The following KLF13 variants were observed in gnomAD, a reference collection of about 807,000 sequenced individuals.
KLF13 encodes Krueppel-like factor 13.
Under a neutral mutation model 16.7 loss-of-function variants are expected in KLF13, and 8 were observed. That is an observed-to-expected ratio of 0.48 (90% CI 0.28 to 0.87). KLF13 has a LOEUF of 0.87. Among genes scored for constraint, KLF13 ranks in the 40% least tolerant of loss-of-function variants. The pLI, the probability that KLF13 is intolerant of heterozygous loss-of-function variation, is 0.10. For missense variants in KLF13, 447 were observed against 452.2 expected, an observed-to-expected ratio of 0.99 and a Z score of 0.10; for synonymous variants, 245 against 208.4, an observed-to-expected ratio of 1.18 and a Z score of -1.51.
At chr15:31,431,371 A>C (rs908002768) in intron 1 of KLF13, among the ~76,000 whole-genome samples, 1 of 152,222 alleles carries the variant, frequency 6.6e-6, no homozygotes, top group Non-Finnish European at 1.5e-5. Context: ...AACAACAGAA[A>C]TGTCCACCAA....
At chr15:31,379,271 C>T (rs1184148294), downstream of KLF13, among the ~76,000 whole-genome samples, 8 of 152,176 alleles carry the variant, frequency 5.3e-5, no homozygotes, top group African/African-American at 1.9e-4. Flanking sequence ...CTTTTTGGTA[C>T]TGAGACGTTT....
At chr15:31,396,069 A>T (rs932837485) in intron 2 of KLF13, among the ~76,000 whole-genome samples, 1 of 151,894 alleles carries the variant, frequency 6.6e-6, no homozygotes, top group Non-Finnish European at 1.5e-5. Context: ...CTTGTTTCCC[A>T]TGCTGGAGTG....
chr15:31,385,564 A>G (rs1200760779), intron 1 of KLF13, among the ~76,000 whole-genome samples: 2 of 152,180 alleles, frequency 1.3e-5, no homozygotes, highest in Non-Finnish European at 2.9e-5. Context: ...CATTTTTACT[A>G]TTATTACATC....
intron 1 of KLF13, among the ~76,000 whole-genome samples, chr15:31,368,248 G>A (rs766695275): frequency 2.0e-5 from 3 of 152,170 alleles, no homozygotes; most frequent in East Asian, 3.9e-4. Context: ...AGGCCATAGC[G>A]TCACAACTCA....
chr15:31,411,266 T>C (rs1388935562), intron 1 of KLF13, among the ~76,000 whole-genome samples: 1 of 152,220 alleles, frequency 6.6e-6, no homozygotes, highest in African/African-American at 2.4e-5. Context: ...AAATCTTTTT[T>C]TTCTGTTTCA....
intron 1 of KLF13, among the ~76,000 whole-genome samples, chr15:31,350,662 G>C (rs893843222): frequency 5.9e-5 from 9 of 152,128 alleles, no homozygotes; most frequent in African/African-American, 2.2e-4. Context: ...CCCCTTTTTT[G>C]GTGAAGTCTG....
chr15:31,424,107 A>C (rs1369744908), intron 1 of KLF13, among the ~76,000 whole-genome samples: 1 of 152,200 alleles, frequency 6.6e-6, no homozygotes, highest in Non-Finnish European at 1.5e-5. Flanking sequence ...AAACTTTCCC[A>C]CCTAGAAAAG....
chr15:31,364,780 G>A (rs1018002319), intron 1 of KLF13, among the ~76,000 whole-genome samples: 1 of 152,236 alleles, frequency 6.6e-6, no homozygotes, highest in African/African-American at 2.4e-5. Context: ...CTCAGTGGGT[G>A]GGTAAGAGCT....
chr15:31,327,858 C>T (rs1305125379), intron 1 of KLF13, 69 bp downstream of exon 1: 64 of 1,258,742 alleles, frequency 5.1e-5, no homozygotes, highest in Non-Finnish European at 6.3e-5. Flanking sequence ...ACCACGCCCC[C>T]GGAGTCCCCG....
chr15:31,353,276 C>T (rs927434227), intron 1 of KLF13, among the ~76,000 whole-genome samples: 1 of 152,218 alleles, frequency 6.6e-6, no homozygotes, highest in Non-Finnish European at 1.5e-5. Context: ...TGCTGGGCCT[C>T]CCCTGGAGAG....
At chr15:31,402,665 G>A (rs2140993440) in intron 2 of KLF13, among the ~76,000 whole-genome samples, 1 of 152,310 alleles carries the variant, frequency 6.6e-6, no homozygotes, top group South Asian at 2.1e-4. Context: ...AGCAGCTGCT[G>A]CACAGAGCCC....
chr15:31,431,447 C>A (rs1280018056), intron 1 of KLF13, among the ~76,000 whole-genome samples: 1 of 152,102 alleles, frequency 6.6e-6, no homozygotes, highest in African/African-American at 2.4e-5. Context: ...AAATGAATTG[C>A]AAATGCCTAC....
chr15:31,431,956 A>C (rs1416997410), intron 1 of KLF13, among the ~76,000 whole-genome samples: 4 of 151,900 alleles, frequency 2.6e-5, no homozygotes, highest in Non-Finnish European at 5.9e-5. Context: ...CAGGTGGCAG[A>C]GATCTGGGGA....
chr15:31,339,046 G>A (rs926521349), intron 1 of KLF13, among the ~76,000 whole-genome samples: 5 of 152,050 alleles, frequency 3.3e-5, no homozygotes, highest in African/African-American at 1.2e-4. Flanking sequence ...CCGCCCTCTG[G>A]GGATGCCCTG....
At position 31,377,425 on chromosome 15, in the gene KLF13, C is replaced by T. The variant is rs1211778670; in HGVS notation, c.*5126C>T. 6.6e-6 allele frequency: 1 copy of T among 152,590 alleles called. No individual in the cohort carries two copies. Among genetic ancestry groups the T allele is most frequent in the Non-Finnish European group, 1.5e-5 (1 of 68,078 alleles). 9.5% of individuals were successfully genotyped at this position (152,590 alleles called of 1,614,324 possible). ...GTCGGGTTTGGGGCTTTCGGTGGTT[C>T]CTTGGTGACTGGGAATTGCTTGTGT... On this transcript the variant is annotated 3_prime_UTR_variant, in exon 2 of 2. Coordinates refer to ENST00000307145, the MANE Select transcript of KLF13 (RefSeq NM_015995.4).
At chr15:31,380,656 A>C (rs762990097), downstream of KLF13, among the ~76,000 whole-genome samples, 1 of 152,176 alleles carries the variant, frequency 6.6e-6, no homozygotes, top group Non-Finnish European at 1.5e-5. Flanking sequence ...AATTACCCCC[A>C]ATCAAACCTC....
intron 1 of KLF13, among the ~76,000 whole-genome samples, chr15:31,420,963 G>A (rs1257087097): frequency 1.3e-5 from 2 of 152,146 alleles, no homozygotes; most frequent in African/African-American, 4.8e-5. Context: ...AAAGTGTTGG[G>A]ATTACAGGCA....
chr15:31,427,026 A>T (rs184434350), intron 1 of KLF13, among the ~76,000 whole-genome samples: 16 of 152,312 alleles, frequency 1.1e-4, no homozygotes, highest in Non-Finnish European at 1.9e-4. Flanking sequence ...TCAGCCTCGA[A>T]CTGAGATTTA....
chr15:31,366,335 C>T (rs2039471318), intron 1 of KLF13: 1 of 152,506 alleles, frequency 6.6e-6, no homozygotes, highest in African/African-American at 2.4e-5. Context: ...CCCCCTTCCT[C>T]TCACCAAGTC....
Sources: allele counts gnomAD v4.1 joint callset (sites outside exome capture counted in the v4.1 genomes callset), GRCh38; gene constraint gnomAD v4.1.1; transcripts MANE v1.5; gene names NCBI Gene and HGNC (gene_info 2026-07-23, HGNC 2026-07-21).